BCAS3: variants seen among roughly 807,000 people sequenced by gnomAD.
The protein encoded by BCAS3 is BCAS4/BCAS3 fusion.
BCAS3 carries 53 observed loss-of-function variants against 116.1 expected under a neutral mutation model. That is an observed-to-expected ratio of 0.46 (90% confidence interval 0.37 to 0.57). The LOEUF (loss-of-function observed/expected upper bound fraction) is 0.57, where lower values mean the gene tolerates loss of function less well. BCAS3 is among the 20% of genes least tolerant of loss of function. BCAS3 has a pLI of 0.00. For synonymous variants in BCAS3, 391 were observed against 408.2 expected (o/e 0.96, Z 0.51); for missense variants, 917 against 1,165.4 (o/e 0.79, Z 3.10).
At chr17:61,221,908 T>A (rs548301542) in intron 22 of BCAS3, among the ~76,000 whole-genome samples, 1 of 152,308 alleles carries the variant, frequency 6.6e-6, no homozygotes, top group African/African-American at 2.4e-5. Flanking sequence ...ATTTGTAAAA[T>A]GAAAATTACA....
Position 61,214,780 on chromosome 17 carries a change from T to C in BCAS3, c.2425+130216T>C, listed in dbSNP as rs926892409. Among the ~76,000 whole-genome samples the C allele has an allele frequency of 6.6e-5, 10 of 152,210 alleles. No individual in the cohort carries two copies. Among genetic ancestry groups the C allele is most frequent in the Non-Finnish European group, 1.3e-4 (9 of 68,040 alleles). On this transcript the variant is annotated intron_variant, in intron 22 of 23. Coordinates refer to ENST00000407086, the MANE Select transcript of BCAS3 (RefSeq NM_017679.5). The surrounding 1 kb of genome is among the most constrained non-coding windows in gnomAD (Gnocchi z 4.4). ...TGGACTGTTCTTTGGAATTAACAGG[T>C]CCACAAGCCAGTGGCTTTTCTGGAA...
rs1172405977 is a variant in BCAS3 at position 61,286,394 on chromosome 17, G to C, written c.2426-81933G>C. Among the ~76,000 whole-genome samples, 1 of 152,210 alleles carries C rather than the reference G, an allele frequency of 6.6e-6. No homozygotes were observed. Among genetic ancestry groups the C allele is most frequent in the Non-Finnish European group, 1.5e-5 (1 of 68,036 alleles). ...CTCCTGTGCTGGTGAAGTCTGGCGT[G>C]TGGAGAGGCCTCTGGTTATTGGGAG... On this transcript the variant is annotated intron_variant, in intron 22 of 23. Transcript: ENST00000407086. This position sits in a 1 kb window ranked among gnomAD's most constrained non-coding sequence, Gnocchi z 4.8.
At chr17:60,814,306 T>TGTGTGCGC (rs368289350) in intron 7 of BCAS3, among the ~76,000 whole-genome samples, 34 of 148,302 alleles carry the variant, frequency 2.3e-4, no homozygotes, top group Admixed American at 1.4e-3. Flanking sequence ...TGTGTGTGTG[T>TGTGTGCGC]GCGCGCGTGC....
At position 61,087,702 on chromosome 17, in the gene BCAS3, AATT is replaced by A. The variant is rs2073196661; in HGVS notation, c.2425+3143_2425+3145del. 6.6e-6 allele frequency among the ~76,000 whole-genome samples: 1 copy of A among 152,316 alleles called. No homozygotes were observed. Among genetic ancestry groups the A allele is most frequent in the Admixed American group, 6.5e-5 (1 of 15,302 alleles). On this transcript the variant is annotated intron_variant, in intron 22 of 23. Coordinates refer to ENST00000407086, the MANE Select transcript of BCAS3 (RefSeq NM_017679.5). This position sits in a 1 kb window ranked among gnomAD's most constrained non-coding sequence, Gnocchi z 4.6. ...ACATTGCCTAAAATACATATTTTTA[AATT>A]ATTAACTTCAGTGATTTAAGCACCG...
In BCAS3 at chr17:60,849,552, TA is replaced by T. The variant is rs201985293; in HGVS notation, c.477-19017del. Among the ~76,000 whole-genome samples the T allele has an allele frequency of 2.6e-5, 4 of 152,176 alleles. No homozygotes were observed. The East Asian group carries it at 7.7e-4, about 29-fold the overall frequency. ...TAAGACTTATTTTTTCTCCCACAATTAAAAAAAGTTTATAAAGAGATTTTCT... is the reference window on the plus strand; with the variant it reads ...TAAGACTTATTTTTTCTCCCACAATTAAAAAAGTTTATAAAGAGATTTTCT... On this transcript the variant is annotated intron_variant, in intron 7 of 23. Coordinates refer to ENST00000407086, the MANE Select transcript of BCAS3 (RefSeq NM_017679.5).
chr17:60,740,764 T>A (rs577847928), intron 5 of BCAS3, among the ~76,000 whole-genome samples: 64 of 152,314 alleles, frequency 4.2e-4, no homozygotes, highest in Non-Finnish European at 7.6e-4. Context: ...GGTTAAGCTC[T>A]GATATAACCC....
Position 61,204,251 on chromosome 17 carries a change from A to G in BCAS3, c.2425+119687A>G, listed in dbSNP as rs1163574759. ...CACTTTTCTCAAGTTTATTTGTGCT[A>G]AACCAAATTCTCCTACAAGGTATTG... On this transcript the variant is annotated intron_variant, in intron 22 of 23. Coordinates refer to ENST00000407086, the MANE Select transcript of BCAS3 (RefSeq NM_017679.5). This position sits in a 1 kb window ranked among gnomAD's most constrained non-coding sequence, Gnocchi z 4.2. Among the ~76,000 whole-genome samples the G allele has an allele frequency of 1.3e-5, 2 of 152,184 alleles. No individual in the cohort carries two copies. Among genetic ancestry groups the G allele is most frequent in the African/African-American group, 4.8e-5 (2 of 41,450 alleles).
At chr17:60,766,745 C>T (rs775792405) in intron 6 of BCAS3, among the ~76,000 whole-genome samples, 23 of 152,206 alleles carry the variant, frequency 1.5e-4, no homozygotes, top group East Asian at 1.2e-3. Context: ...CGGGCAGGGA[C>T]GTTTAAGTCT....
Position 61,239,248 on chromosome 17 carries a change from G to C in BCAS3, c.2426-129079G>C, listed in dbSNP as rs1177451999. On this transcript the variant is annotated intron_variant, in intron 22 of 23. Transcript: ENST00000407086. The surrounding 1 kb of genome is among the most constrained non-coding windows in gnomAD (Gnocchi z 4.2). ...CAACATCTTTATTTAGTTTGGGTTA[G>C]AACAGATTCTCTGCATATCAGATTT... is the stretch of plus-strand genomic sequence containing the variant. Among the ~76,000 whole-genome samples, 1 of 152,160 alleles carries C rather than the reference G, an allele frequency of 6.6e-6. No individual in the cohort carries two copies. The highest frequency in any genetic ancestry group is 1.5e-5 in the Non-Finnish European group (1 of 68,026).
At chr17:61,005,756 CTT>C (rs869287886) in intron 15 of BCAS3, among the ~76,000 whole-genome samples, 1 of 118,638 alleles carries the variant, frequency 8.4e-6, no homozygotes. Context: ...TGTGGCTATA[CTT>C]TTTTTTTTTT....
chr17:61,183,087 C>T (rs2079569691), intron 22 of BCAS3, among the ~76,000 whole-genome samples: 1 of 152,188 alleles, frequency 6.6e-6, no homozygotes, highest in Non-Finnish European at 1.5e-5. Flanking sequence ...CAGGATCCTC[C>T]TATTCTTCCT....
Position 61,355,306 on chromosome 17 carries a change from A to G in BCAS3, c.2426-13021A>G, listed in dbSNP as rs955586679. Among the ~76,000 whole-genome samples the G allele has an allele frequency of 6.6e-5, 10 of 152,300 alleles. No individual in the cohort carries two copies. The highest frequency in any genetic ancestry group is 1.9e-4 in the East Asian group (1 of 5,184). On this transcript the variant is annotated intron_variant, in intron 22 of 23. Transcript: ENST00000407086. The surrounding 1 kb of genome is among the most constrained non-coding windows in gnomAD (Gnocchi z 4.2). ...TCTTGGCCCCAGGTTTCAGACTTCAAAGTTCTCAGTTGAGAGCCTCGTGTT... is the reference window on the plus strand; with the variant it reads ...TCTTGGCCCCAGGTTTCAGACTTCAGAGTTCTCAGTTGAGAGCCTCGTGTT...
chr17:61,312,011 G>A (rs1044661599), intron 22 of BCAS3, among the ~76,000 whole-genome samples: 31 of 152,234 alleles, frequency 2.0e-4, no homozygotes, highest in Non-Finnish European at 4.3e-4. Flanking sequence ...TCATCAGGCT[G>A]TACTTCTGCA....
At chr17:61,100,267 A>G (rs2074240286) in intron 22 of BCAS3, among the ~76,000 whole-genome samples, 1 of 152,184 alleles carries the variant, frequency 6.6e-6, no homozygotes, top group Non-Finnish European at 1.5e-5. Flanking sequence ...TAAAGAGGAA[A>G]TAGCGAACCC....
intron 19 of BCAS3, among the ~76,000 whole-genome samples, chr17:61,057,572 C>T (rs1404301210): frequency 1.3e-5 from 2 of 152,036 alleles, no homozygotes; most frequent in African/African-American, 2.4e-5. Context: ...CCTAGAATCT[C>T]GTAACTTGTC....
In BCAS3 at chr17:61,347,818, G is replaced by A. The variant is rs2057592812; in HGVS notation, c.2426-20509G>A. Among the ~76,000 whole-genome samples, 1 of 152,134 alleles carries A rather than the reference G, an allele frequency of 6.6e-6. No homozygotes were observed. Among genetic ancestry groups the A allele is most frequent in the South Asian group, 2.1e-4 (1 of 4,824 alleles). On this transcript the variant is annotated intron_variant, in intron 22 of 23. Coordinates refer to ENST00000407086, the MANE Select transcript of BCAS3 (RefSeq NM_017679.5). This position sits in a 1 kb window ranked among gnomAD's most constrained non-coding sequence, Gnocchi z 4.3. ...TGACCTAAGTCCTCAAAGATGAATA[G>A]GACTTCACCAGGGAAGGCATTCCAG... is the stretch of plus-strand genomic sequence containing the variant.
Position 61,029,833 on chromosome 17 carries a change from T to G in BCAS3, c.1638-4833T>G, listed in dbSNP as rs2066503832. On this transcript the variant is annotated intron_variant, in intron 16 of 23. Transcript: ENST00000407086. This position sits in a 1 kb window ranked among gnomAD's most constrained non-coding sequence, Gnocchi z 5.2. ...TATAAACAGTTCATGTAAACTAATC[T>G]TGTTCTCTTAAATATTTTAAAATTT... Among the ~76,000 whole-genome samples, 1 of 151,988 alleles carries G rather than the reference T, an allele frequency of 6.6e-6. No homozygotes were observed. The highest frequency in any genetic ancestry group is 1.5e-5 in the Non-Finnish European group (1 of 67,914).
At chr17:60,932,366 G>A (rs1244152521) in intron 13 of BCAS3, among the ~76,000 whole-genome samples, 1 of 152,084 alleles carries the variant, frequency 6.6e-6, no homozygotes, top group Non-Finnish European at 1.5e-5. Context: ...AAAAAATATA[G>A]CAGGGCAAAA....
intron 22 of BCAS3, among the ~76,000 whole-genome samples, chr17:61,207,988 G>A (rs915208156): frequency 7.2e-5 from 11 of 151,874 alleles, no homozygotes; most frequent in Non-Finnish European, 1.0e-4. Flanking sequence ...AGAATTAGAG[G>A]GGAAAATTAC....
Sources: gnomAD v4.1 joint callset for allele counts (sites outside exome capture counted in the v4.1 genomes callset) on GRCh38, gnomAD v4.1.1 for gene constraint, Gnocchi (gnomAD v3.1) non-coding constraint, MANE v1.5 for transcripts, NCBI Gene and HGNC (gene_info 2026-07-23, HGNC 2026-07-21) for gene names.